Variants in ZCWPW2 observed in about 807,000 individuals in gnomAD.
ZCWPW2 encodes the protein zinc finger CW-type PWWP domain protein 2.
Under a neutral mutation model 46.6 loss-of-function variants are expected in ZCWPW2, and 45 were observed. The ratio of observed to expected loss-of-function variants is 0.96; its 90% confidence interval spans 0.76 to 1.24. ZCWPW2 has a LOEUF of 1.24. Among genes scored for constraint, ZCWPW2 ranks in the 50% most tolerant of loss-of-function variants. The pLI is 0.00. For synonymous variants in ZCWPW2, 152 were observed against 137.1 expected (o/e 1.11, Z -0.76); for missense variants, 429 against 403.9 (o/e 1.06, Z -0.53).
At chr3:28,354,080 C>A (rs1704646570) in intron 1 of ZCWPW2, among the ~76,000 whole-genome samples, 1 of 151,788 alleles carries the variant, frequency 6.6e-6, no homozygotes, top group African/African-American at 2.4e-5. Flanking sequence ...TTTTAAAGTA[C>A]AAGGAGGTAA....
At position 28,453,937 on chromosome 3, in the gene ZCWPW2, C is replaced by T. The variant is rs1016063784; in HGVS notation, c.492+18668C>T. On this transcript the variant is annotated intron_variant, in intron 4 of 9. Coordinates refer to ENST00000383768, the MANE Select transcript of ZCWPW2 (RefSeq NM_001040432.4). ...TCGGCTCACTGCAAGCTCCGCCTCCCGGGTTCACACCATTCACCTGCCTCA... is the reference window on the plus strand; with the variant it reads ...TCGGCTCACTGCAAGCTCCGCCTCCTGGGTTCACACCATTCACCTGCCTCA... Among the ~76,000 whole-genome samples, 159 of 151,384 alleles carry T rather than the reference C, an allele frequency of 1.1e-3. 1 individual carries two copies. Among genetic ancestry groups the T allele is most frequent in the African/African-American group, 3.5e-3 (144 of 41,274 alleles).
At chr3:28,409,705 G>A (rs1424506337) in intron 2 of ZCWPW2, among the ~76,000 whole-genome samples, 1 of 151,978 alleles carries the variant, frequency 6.6e-6, no homozygotes, top group Non-Finnish European at 1.5e-5. Flanking sequence ...AGTATTAAGG[G>A]TAACTATTGT....
chr3:28,499,460 CT>C (rs1261924514), intron 6 of ZCWPW2, among the ~76,000 whole-genome samples: 2 of 152,048 alleles, frequency 1.3e-5, no homozygotes, highest in Non-Finnish European at 2.9e-5. Flanking sequence ...TGAGAAGTGT[CT>C]GTTCATATCC....
In ZCWPW2 at chr3:28,524,870, T is replaced by A; in HGVS notation, c.*182T>A. On this transcript the variant is annotated 3_prime_UTR_variant, in exon 10 of 10. Transcript: ENST00000383768. ...TTTTTAGAGCCAGTCAAATGGTATTTAAGTTAGTGTTAAAAATTTAGAATT... is the reference window on the plus strand; with the variant it reads ...TTTTTAGAGCCAGTCAAATGGTATTAAAGTTAGTGTTAAAAATTTAGAATT... The A allele has an allele frequency of 2.6e-6, 1 of 391,578 alleles. No homozygotes were observed. Among genetic ancestry groups the A allele is most frequent in the Non-Finnish European group, 4.1e-6 (1 of 243,066 alleles). 24.3% of individuals were successfully genotyped at this position (391,578 alleles called of 1,614,324 possible).
At chr3:28,439,352 T>G (rs1697652274) in intron 4 of ZCWPW2, among the ~76,000 whole-genome samples, 1 of 151,856 alleles carries the variant, frequency 6.6e-6, no homozygotes, top group African/African-American at 2.4e-5. Context: ...GCTAGGCCAG[T>G]CTCTCCTTTT....
At chr3:28,458,561 C>T (rs1468987650) in intron 4 of ZCWPW2, among the ~76,000 whole-genome samples, 1 of 152,162 alleles carries the variant, frequency 6.6e-6, no homozygotes, top group African/African-American at 2.4e-5. Context: ...CCTGAGGTTA[C>T]ACAGCAGCAG....
chr3:28,408,491 G>A (rs1395828457), intron 2 of ZCWPW2, among the ~76,000 whole-genome samples: 1 of 151,892 alleles, frequency 6.6e-6, no homozygotes, highest in Non-Finnish European at 1.5e-5. Context: ...ATTTTGTGAG[G>A]AATAGTTTAA....
intron 4 of ZCWPW2, among the ~76,000 whole-genome samples, chr3:28,437,299 A>T (rs1697540782): frequency 6.6e-6 from 1 of 152,132 alleles, no homozygotes. Flanking sequence ...TTTCAACATC[A>T]TTTTCCTCTA....
chr3:28,416,875 C>T (rs1460484693), intron 3 of ZCWPW2, among the ~76,000 whole-genome samples: 21 of 130,356 alleles, frequency 1.6e-4, no homozygotes, highest in Admixed American at 1.7e-4. Context: ...CCCACTTGAT[C>T]ATGGTGGATA....
chr3:28,364,777 C>T (rs1448589625), intron 1 of ZCWPW2, among the ~76,000 whole-genome samples: 1 of 151,948 alleles, frequency 6.6e-6, no homozygotes, highest in Non-Finnish European at 1.5e-5. Flanking sequence ...AGTTTATATT[C>T]CCACTAACAG....
Position 28,414,100 on chromosome 3 carries a change from C to A in ZCWPW2, c.332+700C>A, listed in dbSNP as rs1696530179. Among the ~76,000 whole-genome samples the A allele has an allele frequency of 2.0e-5, 3 of 151,980 alleles. No homozygotes were observed. The South Asian group carries it at 6.2e-4, about 32-fold the overall frequency. On this transcript the variant is annotated intron_variant, in intron 3 of 9. Coordinates refer to ENST00000383768, the MANE Select transcript of ZCWPW2 (RefSeq NM_001040432.4). The stretch of plus-strand genomic sequence containing the variant: ...ATAACCTATTATATTTGTTCTGTTG[C>A]ATTGCTTTGATTTTCTTATTTTAGG...
intron 2 of ZCWPW2, among the ~76,000 whole-genome samples, chr3:28,396,032 A>G (rs571839087): frequency 7.9e-5 from 12 of 152,190 alleles, no homozygotes; most frequent in Non-Finnish European, 8.8e-5. Context: ...TTATACATCA[A>G]TGAAGCTGGT....
At chr3:28,502,310 G>T (rs902932595) in intron 6 of ZCWPW2, among the ~76,000 whole-genome samples, 1 of 152,086 alleles carries the variant, frequency 6.6e-6, no homozygotes, top group Non-Finnish European at 1.5e-5. Flanking sequence ...CACCATTTAT[G>T]AAGGCAAGCA....
At chr3:28,490,735 A>T (rs1235413688) in intron 5 of ZCWPW2, among the ~76,000 whole-genome samples, 1 of 152,042 alleles carries the variant, frequency 6.6e-6, no homozygotes, top group Non-Finnish European at 1.5e-5. Context: ...TATATAGCAA[A>T]CCTGTACATG....
chr3:28,492,346 T>C (rs1699839249), intron 6 of ZCWPW2, among the ~76,000 whole-genome samples, 173 bp downstream of exon 6: 1 of 152,242 alleles, frequency 6.6e-6, no homozygotes, highest in East Asian at 1.9e-4. Context: ...GAAATTAATA[T>C]TTATGGTTAC....
chr3:28,405,715 C>T (rs1055762226), intron 2 of ZCWPW2, among the ~76,000 whole-genome samples: 1 of 152,058 alleles, frequency 6.6e-6, no homozygotes, highest in Non-Finnish European at 1.5e-5. Context: ...ACCGTGTGAT[C>T]TGCCTGCCTC....
intron 1 of ZCWPW2, among the ~76,000 whole-genome samples, chr3:28,356,564 T>C (rs1366624246): frequency 6.6e-6 from 1 of 152,246 alleles, no homozygotes; most frequent in Non-Finnish European, 1.5e-5. Flanking sequence ...CATATGTTTG[T>C]TGCGGCACTA....
intron 2 of ZCWPW2, among the ~76,000 whole-genome samples, 158 bp from the exon 3 acceptor site, chr3:28,412,898 G>C (rs1696459705): frequency 6.6e-6 from 1 of 151,850 alleles, no homozygotes; most frequent in East Asian, 1.9e-4. Context: ...TTCTGGGTAG[G>C]TGGAAACAAC....
Position 28,478,944 on chromosome 3 carries a change from T to G in ZCWPW2, c.610+13T>G. On this transcript the variant is annotated intron_variant, in intron 5 of 9. Transcript: ENST00000383768. Reference sequence around the variant, plus strand: ...TCAAAACTACAAGGTGTATAAATATTTTTTCTTTATTACTCTGAAATAAGG... The same window carrying G: ...TCAAAACTACAAGGTGTATAAATATGTTTTCTTTATTACTCTGAAATAAGG... 1 of 1,479,968 alleles carries G rather than the reference T, an allele frequency of 6.8e-7. No homozygotes were observed. Among genetic ancestry groups the G allele is most frequent in the Non-Finnish European group, 9.2e-7 (1 of 1,090,676 alleles). 91.7% of individuals were successfully genotyped at this position (1,479,968 alleles called of 1,614,324 possible).
Sources: gnomAD v4.1 joint callset for allele counts (sites outside exome capture counted in the v4.1 genomes callset) on GRCh38, gnomAD v4.1.1 for gene constraint, MANE v1.5 for transcripts, NCBI Gene and HGNC (gene_info 2026-07-23, HGNC 2026-07-21) for gene names.